CA1: variants seen among roughly 807,000 people sequenced by gnomAD.
CA1 encodes carbonic anhydrase 1.
CA1 carries 27 observed loss-of-function variants against 28.8 expected under a neutral mutation model. That is an observed-to-expected ratio of 0.94 (90% CI 0.69 to 1.29). The LOEUF is 1.29. Among genes scored for constraint, CA1 ranks in the 50% most tolerant of loss-of-function variants. The probability of loss-of-function intolerance (pLI) is 0.00; values close to 1 mark genes in which losing one functional copy is unlikely to be tolerated. For missense variants in CA1, 335 were observed against 310.5 expected, an observed-to-expected ratio of 1.08 and a Z score of -0.59; for synonymous variants, 121 against 108.8, an observed-to-expected ratio of 1.11 and a Z score of -0.70.
At chr8:85,337,390 T>C (rs996286959) in intron 3 of CA1, among the ~76,000 whole-genome samples, 1 of 152,222 alleles carries the variant, frequency 6.6e-6, no homozygotes, top group Non-Finnish European at 1.5e-5. Flanking sequence ...GAATCTCCTT[T>C]AATTTGCAAG....
chr8:85,341,511 G>A, intron 2 of CA1, 88 bp downstream of exon 2: 2 of 838,636 alleles, frequency 2.4e-6, no homozygotes, highest in East Asian at 4.9e-5. Flanking sequence ...ACCTATAGCT[G>A]TACAATTATT....
rs545963200 is a variant in CA1, at chr8:85,338,152, A to G, written c.235+100T>C. ...GATTACAGCAATGCTGCACACAAGC[A>G]CAAAAGACTTAGAATGGGTGTCATA... On this transcript the variant is annotated intron_variant, in intron 3 of 7. Coordinates refer to ENST00000523022, the MANE Select transcript of CA1 (RefSeq NM_001128831.4). 9.4e-5 allele frequency: 99 copies of G among 1,049,794 alleles called. 1 individual carries two copies. The South Asian group carries it at 1.1e-3, about 12-fold the overall frequency. The allele number at this position is 1,049,794 out of a possible 1,614,324, so 65.0% of individuals were successfully genotyped here.
intron 1 of CA1, among the ~76,000 whole-genome samples, chr8:85,355,549 CTTTTTTTT>C (rs11353842): frequency 1.8e-5 from 2 of 108,700 alleles, no homozygotes; most frequent in African/African-American, 3.7e-5. Flanking sequence ...TGTCTAGTTC[CTTTTTTTT>C]TTTTTTTTTT....
chr8:85,333,256 G>A (rs1808487509), intron 5 of CA1, among the ~76,000 whole-genome samples: 2 of 152,162 alleles, frequency 1.3e-5, no homozygotes, highest in South Asian at 2.1e-4. Context: ...AGGGAATTTG[G>A]AAGAGCTGGA....
chr8:85,329,572 G>T (rs1246360483), intron 7 of CA1, 117 bp downstream of exon 7: 2 of 894,522 alleles, frequency 2.2e-6, no homozygotes, highest in Non-Finnish European at 3.6e-6. Context: ...TTTAAGTTGG[G>T]AGGAAAAATG....
chr8:85,373,296 C>T (rs989194004), intron 1 of CA1: 4 of 152,164 alleles, frequency 2.6e-5, no homozygotes, highest in Non-Finnish European at 5.9e-5. Context: ...TGAGCATCTG[C>T]GAAGACTTCA....
intron 6 of CA1, 68 bp from the exon 7 acceptor site, chr8:85,329,912 A>G (rs1808333388): frequency 1.7e-6 from 2 of 1,174,850 alleles, no homozygotes; most frequent in Non-Finnish European, 2.5e-6. Context: ...TGACATATAT[A>G]TGCTATATTA....
rs970458502 is a variant in CA1 at position 85,328,403 on chromosome 8, A to G, written c.*157T>C. The G allele has an allele frequency of 9.4e-6, 5 of 529,352 alleles. No homozygotes were observed. Among genetic ancestry groups the G allele is most frequent in the Non-Finnish European group, 1.7e-5 (5 of 298,610 alleles). 32.8% of individuals were successfully genotyped at this position (529,352 alleles called of 1,614,324 possible). A position where few individuals can be genotyped will look rare whatever the true frequency, so the allele number is the denominator to read the frequency against. ...TTATTATTTGAATTAAGCAGTAAGA[A>G]CTAAAATTTAAGTTTCTTAGTTTTA... On this transcript the variant is annotated 3_prime_UTR_variant, in exon 8 of 8. Coordinates refer to ENST00000523022, the MANE Select transcript of CA1 (RefSeq NM_001128831.4).
In CA1 at chr8:85,332,330, C is replaced by G. The variant is rs1423388621; in HGVS notation, c.513+160G>C. 4.8e-6 allele frequency: 3 copies of G among 627,652 alleles called. No individual in the cohort carries two copies. The Admixed American group carries it at 8.3e-5, about 17-fold the overall frequency. 38.9% of individuals were successfully genotyped at this position (627,652 alleles called of 1,614,324 possible). ...CCAAAACAATTCCCTGCATTAGAGACTTTCTCAGAGGTAGGCAGTATTGAA... is the reference window on the plus strand; with the variant it reads ...CCAAAACAATTCCCTGCATTAGAGAGTTTCTCAGAGGTAGGCAGTATTGAA... On this transcript the variant is annotated intron_variant, in intron 6 of 7. Coordinates refer to ENST00000523022, the MANE Select transcript of CA1 (RefSeq NM_001128831.4).
chr8:85,330,770 C>T (rs976050081), intron 6 of CA1, among the ~76,000 whole-genome samples: 9 of 152,168 alleles, frequency 5.9e-5, no homozygotes, highest in African/African-American at 2.2e-4. Context: ...TTAAGATTTT[C>T]TAATATTGAG....
At chr8:85,360,820 A>G (rs139494217) in intron 1 of CA1, among the ~76,000 whole-genome samples, 1 of 152,310 alleles carries the variant, frequency 6.6e-6, no homozygotes, top group East Asian at 1.9e-4. Context: ...CTCTTTGAAT[A>G]TTTCCTTTCA....
At position 85,338,294 on chromosome 8, in the gene CA1, GC is replaced by G; in HGVS notation, c.192del (p.His65IlefsTer5). 1 of 1,613,906 alleles carries G rather than the reference GC, an allele frequency of 6.2e-7. No homozygotes were observed. The highest frequency in any genetic ancestry group is 1.1e-5 in the South Asian group (1 of 91,084). On this transcript the variant is annotated frameshift_variant, in exon 3 of 8. Transcript: ENST00000523022. LOFTEE classifies it high-confidence loss of function. ...PATAKEIINV[G>X]HSFHVNFEDN... ...TCCTCAAAATTTACATGGAAGGAATGCCCCACATTGATAATTTCTTTGGCTG... is the reference window on the plus strand; with the variant it reads ...TCCTCAAAATTTACATGGAAGGAATGCCCACATTGATAATTTCTTTGGCTG...
At chr8:85,364,673 G>A (rs1238235819) in intron 1 of CA1, among the ~76,000 whole-genome samples, 4 of 152,182 alleles carry the variant, frequency 2.6e-5, no homozygotes, top group African/African-American at 4.8e-5. Flanking sequence ...ACTGAGCTAT[G>A]AAAAATCTTA....
chr8:85,370,762 G>A (rs1336399068), intron 1 of CA1, among the ~76,000 whole-genome samples: 1 of 151,888 alleles, frequency 6.6e-6, no homozygotes, highest in Non-Finnish European at 1.5e-5. Flanking sequence ...TATTTTTATT[G>A]ACTTTTCTCA....
At position 85,327,653 on chromosome 8, in the gene CA1, A is replaced by C. The variant is rs999061830; in HGVS notation, c.*907T>G. ...CTGGCAGAGTGAGACCTTGTCTCAA[A>C]AAACAAACAAACAAACAGAAAACAC... On this transcript the variant is annotated 3_prime_UTR_variant, in exon 8 of 8. Transcript: ENST00000523022. 6.6e-5 allele frequency: 10 copies of C among 152,204 alleles called. No individual in the cohort carries two copies. Among genetic ancestry groups the C allele is most frequent in the Non-Finnish European group, 1.3e-4 (9 of 68,102 alleles). 9.4% of individuals were successfully genotyped at this position (152,204 alleles called of 1,614,324 possible).
intron 1 of CA1, among the ~76,000 whole-genome samples, chr8:85,342,492 C>T (rs1410445495): frequency 3.9e-5 from 6 of 152,198 alleles, no homozygotes; most frequent in Admixed American, 3.3e-4. Context: ...AAGACTTCAG[C>T]CTCCTAATCC....
chr8:85,353,998 T>C (rs1201035262), intron 1 of CA1, among the ~76,000 whole-genome samples: 1 of 152,098 alleles, frequency 6.6e-6, no homozygotes, highest in African/African-American at 2.4e-5. Flanking sequence ...AGAGTCTCAC[T>C]GTCACCCATG....
chr8:85,342,740 A>C (rs140013091), intron 1 of CA1: 2 of 152,340 alleles, frequency 1.3e-5, no homozygotes, highest in African/African-American at 4.8e-5. Context: ...AACCGGAAAA[A>C]TAAGCTACCA....
chr8:85,353,020 G>T (rs1324628099), intron 1 of CA1, among the ~76,000 whole-genome samples: 2 of 152,162 alleles, frequency 1.3e-5, no homozygotes, highest in Non-Finnish European at 2.9e-5. Context: ...GAAGAATATT[G>T]CTGAAGGACC....
Sources: gnomAD v4.1 joint callset for allele counts (sites outside exome capture counted in the v4.1 genomes callset) on GRCh38, gnomAD v4.1.1 for gene constraint, MANE v1.5 for transcripts, NCBI Gene and HGNC (gene_info 2026-07-23, HGNC 2026-07-21) for gene names.